ALMS1: variants seen among roughly 807,000 people sequenced by gnomAD.
ALMS1 encodes the protein ALMS1 centrosome and basal body associated protein, also known as centrosome-associated protein ALMS1.
ALMS1 carries 271 observed loss-of-function variants against 352.2 expected under a neutral mutation model. The ratio of observed to expected loss-of-function variants is 0.77; its 90% CI spans 0.70 to 0.85. The LOEUF (loss-of-function observed/expected upper bound fraction) is 0.85. Among genes scored for constraint, ALMS1 ranks in the 40% least tolerant of loss-of-function variants. ALMS1 has a pLI of 0.00. For missense variants in ALMS1, 5,445 were observed against 4,870.7 expected (o/e 1.12, Z -3.51); for synonymous variants, 1,865 against 1,761.2 (o/e 1.06, Z -1.48).
chr2:73,448,827 G>A lies in ALMS1; in HGVS notation c.2300G>A (p.Arg767Lys). ...PAVQSSSYSQ[R>K]EKPSILYPQD... is the part of the protein sequence containing the mutation. Reference sequence around the variant, plus strand: ...GTACAGTCTAGTTCTTACTCACAAAGAGAAAAGCCTAGTATTTTGTACCCA... The same window carrying A: ...GTACAGTCTAGTTCTTACTCACAAAAAGAAAAGCCTAGTATTTTGTACCCA... The change falls in exon 8 of 23, where the codon AGA becomes AAA. Residue 767 changes from arginine (R) to lysine (K), a missense_variant. Arg to Lys is a conservative substitution (Grantham distance 26, BLOSUM62 2). Transcript: ENST00000613296. The A allele has an allele frequency of 6.2e-6, 10 of 1,613,992 alleles. No individual in the cohort carries two copies. Among genetic ancestry groups the A allele is most frequent in the Non-Finnish European group, 8.5e-6 (10 of 1,179,972 alleles).
intron 12 of ALMS1, among the ~76,000 whole-genome samples, chr2:73,536,586 G>A (rs1674034069): frequency 6.6e-6 from 1 of 152,070 alleles, no homozygotes; most frequent in Non-Finnish European, 1.5e-5. Flanking sequence ...CCTAGAAATT[G>A]TTCTAATTCC....
rs1045405319 is a variant in ALMS1 at position 73,385,896 on chromosome 2, G to A, written c.28G>A (p.Gly10Ser). The A allele has an allele frequency of 8.0e-6, 7 of 879,918 alleles. No individual in the cohort carries two copies. The highest frequency in any genetic ancestry group is 5.3e-5 in the East Asian group (2 of 37,394). 54.5% of individuals were successfully genotyped at this position (879,918 alleles called of 1,614,324 possible). A position where few individuals can be genotyped will look rare whatever the true frequency, so the allele number is the denominator to read the frequency against. MEPEDLPWPGELEEEEEEEE... is the reference protein window; with the variant it reads MEPEDLPWPSELEEEEEEEE... ...GGAGCCCGAGGATCTGCCATGGCCG[G>A]GCGAGCTGGAGGAGGAGGAGGAGGA... Residue 10 changes from glycine (G) to serine (S), a missense_variant, in exon 1 of 23, where the codon GGC becomes AGC. Transcript: ENST00000613296.
intron 13 of ALMS1, among the ~76,000 whole-genome samples, chr2:73,554,766 CA>C (rs889254832): frequency 2.6e-5 from 4 of 152,076 alleles, no homozygotes; most frequent in Non-Finnish European, 4.4e-5. Flanking sequence ...AGTTTCTAGC[CA>C]GATTTTATTT....
chr2:73,386,048 C>CG lies in ALMS1; in HGVS notation c.183dup (p.Pro62AlafsTer65). On this transcript the variant is annotated frameshift_variant, in exon 1 of 23. Transcript: ENST00000613296. LOFTEE classifies it high-confidence loss of function. ...GGGAGTTGGACTCCGACTCTCACTA[C>CG]GGGCCCCAGCATCTGGAAAGTATAG... 2 of 1,578,844 alleles carry CG rather than the reference C, an allele frequency of 1.3e-6. No homozygotes were observed. Among genetic ancestry groups the CG allele is most frequent in the Non-Finnish European group, 1.7e-6 (2 of 1,162,894 alleles).
Position 73,452,583 on chromosome 2 carries a change from A to G in ALMS1, c.6056A>G (p.Tyr2019Cys), listed in dbSNP as rs1340190220. 4 of 1,613,992 alleles carry G rather than the reference A, an allele frequency of 2.5e-6. No individual in the cohort carries two copies. Among genetic ancestry groups the G allele is most frequent in the Admixed American group, 1.7e-5 (1 of 59,992 alleles). Residue 2019 changes from tyrosine (Y) to cysteine (C), a missense_variant, in exon 8 of 23, where the codon TAC (tyrosine) becomes TGC (cysteine). Tyr to Cys is a radical substitution (Grantham distance 194). Coordinates refer to ENST00000613296, the MANE Select transcript of ALMS1 (RefSeq NM_001378454.1). ...TTTCCAGCAGCTACCCTTAGTTCCT[A>G]CTCACAAATAGAGAAGCCCAAGATT... ...TEFPAATLSS[Y>C]SQIEKPKIST...
At chr2:73,528,266 A>G (rs1051231025) in intron 11 of ALMS1, among the ~76,000 whole-genome samples, 2 of 152,012 alleles carry the variant, frequency 1.3e-5, no homozygotes, top group South Asian at 2.1e-4. Context: ...GGTCCATTCA[A>G]TGTATCTTCG....
At position 73,572,609 on chromosome 2, in the gene ALMS1, A is replaced by G; in HGVS notation, c.10732A>G (p.Ser3578Gly). Residue 3578 changes from serine (S) to glycine (G), a missense_variant, in exon 16 of 23, where the codon AGT becomes GGT. Transcript: ENST00000613296. The part of the protein sequence containing the change: ...RDYPKHNGQI[S>G]DPQRDQKVTP... ...TTATCCAAAACATAATGGACAAATT[A>G]GTGATCCACAAAGGGATCAGAAGGT... The G allele has an allele frequency of 6.2e-7, 1 of 1,614,008 alleles. No individual in the cohort carries two copies. The highest frequency in any genetic ancestry group is 8.5e-7 in the Non-Finnish European group (1 of 1,180,000).
chr2:73,549,097 A>G (rs1011616897), intron 12 of ALMS1, among the ~76,000 whole-genome samples: 2 of 152,336 alleles, frequency 1.3e-5, no homozygotes, highest in South Asian at 4.1e-4. Flanking sequence ...TGCCATATAC[A>G]TACTAGGAGC....
At chr2:73,469,188 A>C (rs1672417665) in intron 9 of ALMS1, among the ~76,000 whole-genome samples, 1 of 151,950 alleles carries the variant, frequency 6.6e-6, no homozygotes, top group African/African-American at 2.4e-5. Context: ...CAACAAGTTT[A>C]GAAAAAAAAA....
intron 1 of ALMS1, among the ~76,000 whole-genome samples, chr2:73,403,067 T>A (rs1013842807): frequency 6.6e-6 from 1 of 152,212 alleles, no homozygotes; most frequent in African/African-American, 2.4e-5. Context: ...TTTGCTTTTG[T>A]AGCCTGAGCT....
At chr2:73,418,321 TTA>T (rs1671217266) in intron 2 of ALMS1, among the ~76,000 whole-genome samples, 2 of 152,134 alleles carry the variant, frequency 1.3e-5, no homozygotes, top group South Asian at 4.1e-4. Context: ...TATGATAATG[TTA>T]TATATACTGA....
rs190589175 is a variant in ALMS1, at chr2:73,395,169, C to T, written c.324+8977C>T. On this transcript the variant is annotated intron_variant, in intron 1 of 22. Coordinates refer to ENST00000613296, the MANE Select transcript of ALMS1 (RefSeq NM_001378454.1). Reference sequence around the variant, plus strand: ...CAATCTCCGCCCACTGCAACCACCGCTTCCCAGGCTCAAGTGATTCTCATG... The same window carrying T: ...CAATCTCCGCCCACTGCAACCACCGTTTCCCAGGCTCAAGTGATTCTCATG... Among the ~76,000 whole-genome samples the T allele has an allele frequency of 2.0e-3, 298 of 148,980 alleles. 6 individuals are homozygous for T. Among genetic ancestry groups the T allele is most frequent in the Non-Finnish European group, 3.8e-4 (26 of 67,558 alleles).
At chr2:73,549,735 T>C (rs1674390715) in intron 12 of ALMS1, among the ~76,000 whole-genome samples, 1 of 152,230 alleles carries the variant, frequency 6.6e-6, no homozygotes, top group Non-Finnish European at 1.5e-5. Context: ...TTCTTTTATA[T>C]CATTTGCATC....
intron 9 of ALMS1, among the ~76,000 whole-genome samples, chr2:73,488,007 C>T (rs1173930806): frequency 1.3e-5 from 2 of 152,152 alleles, no homozygotes; most frequent in Non-Finnish European, 2.9e-5. Context: ...GAGATGCATG[C>T]CAATTGGTCC....
chr2:73,452,871 C>G lies in ALMS1; in HGVS notation c.6344C>G (p.Thr2115Ser). Residue 2115 changes from threonine (T) to serine (S), a missense_variant, in exon 8 of 23, where the codon ACT (threonine) becomes AGT (serine). By Grantham distance (58) the Thr-to-Ser change is moderately conservative. Transcript: ENST00000613296. ...SPQELPGSHVTEDVLKVSTIP... is the reference protein window; with the variant it reads ...SPQELPGSHVSEDVLKVSTIP... The stretch of plus-strand genomic sequence containing the variant: ...CAGGAATTGCCAGGTAGTCATGTAA[C>G]TGAAGATGTGCTGAAGGTTTCAACA... 1 of 1,613,854 alleles carries G rather than the reference C, an allele frequency of 6.2e-7. No homozygotes were observed. Among genetic ancestry groups the G allele is most frequent in the Admixed American group, 1.7e-5 (1 of 59,982 alleles).
chr2:73,421,356 T>A (rs980478775), intron 3 of ALMS1, among the ~76,000 whole-genome samples: 3 of 152,110 alleles, frequency 2.0e-5, no homozygotes, highest in Admixed American at 6.6e-5. Context: ...GTAAATTTGC[T>A]TTACTTGCCC....
In ALMS1 at chr2:73,450,861, A is replaced by T; in HGVS notation, c.4334A>T (p.His1445Leu). The T allele has an allele frequency of 1.2e-6, 2 of 1,614,088 alleles. No homozygotes were observed. Among genetic ancestry groups the T allele is most frequent in the East Asian group, 2.2e-5 (1 of 44,884 alleles). Residue 1445 changes from histidine (H) to leucine (L), a missense_variant, in exon 8 of 23, where the codon CAT becomes CTT. Physicochemically the swap from His to Leu is moderately conservative, Grantham distance 99 (BLOSUM62 -3). Coordinates refer to ENST00000613296, the MANE Select transcript of ALMS1 (RefSeq NM_001378454.1). ...PGSFYQQVLP[H>L]SHLPEEALEV... is the part of the protein sequence containing the mutation. ...AGTTTCTACCAACAGGTCTTGCCAC[A>T]TAGTCATCTACCTGAAGAGGCTTTG...
chr2:73,438,146 G>A (rs888712729), intron 7 of ALMS1, among the ~76,000 whole-genome samples: 1 of 152,114 alleles, frequency 6.6e-6, no homozygotes, highest in Non-Finnish European at 1.5e-5. Flanking sequence ...GATCTATCAG[G>A]CAGCAATCCC....
At chr2:73,407,573 C>T (rs955058117) in intron 1 of ALMS1, among the ~76,000 whole-genome samples, 1 of 152,332 alleles carries the variant, frequency 6.6e-6, no homozygotes, top group South Asian at 2.1e-4. Context: ...TTTCCTATGG[C>T]TTAAAGTTAC....
Sources: gnomAD v4.1 joint callset for allele counts (sites outside exome capture counted in the v4.1 genomes callset) on GRCh38, gnomAD v4.1.1 for gene constraint, MANE v1.5 for transcripts, NCBI Gene and HGNC (gene_info 2026-07-23, HGNC 2026-07-21) for gene names.